The following PPP1R37 variants were observed in gnomAD, a reference collection of about 807,000 sequenced individuals.
PPP1R37 encodes the protein leucine rich repeat containing 68.
PPP1R37 carries 21 observed loss-of-function variants against 61.0 expected under a neutral mutation model. The ratio of observed to expected loss-of-function variants is 0.34; its 90% CI spans 0.24 to 0.50. PPP1R37 has a LOEUF of 0.50. PPP1R37 is among the 20% of genes least tolerant of loss of function. The pLI, the probability that PPP1R37 is intolerant of heterozygous loss-of-function variation, is 0.98. For missense variants in PPP1R37, 910 were observed against 952.7 expected (o/e 0.96, Z 0.59); for synonymous variants, 443 against 433.5 (o/e 1.02, Z -0.27).
rs532769617 is a variant in PPP1R37 at position 45,140,328 on chromosome 19, C to A, written c.346+47C>A. ...GAGAGCCCTTGGGTCATGGGCAGGT[C>A]GGGGGCTCCCTAGAGCTGGGTCTGA... On this transcript the variant is annotated intron_variant, in intron 3 of 12. Transcript: ENST00000221462. 137 of 1,411,060 alleles carry A rather than the reference C, an allele frequency of 9.7e-5. No homozygotes were observed. In the African/African-American group the frequency reaches 1.7e-3, roughly 17 times the overall value. 87.4% of individuals were successfully genotyped at this position (1,411,060 alleles called of 1,614,324 possible).
chr19:45,100,830 G>T (rs1169800846), intron 1 of PPP1R37, among the ~76,000 whole-genome samples: 1 of 152,228 alleles, frequency 6.6e-6, no homozygotes, highest in Non-Finnish European at 1.5e-5. Context: ...TTCGTGGACA[G>T]CTTGAGTCCC....
At chr19:45,141,267 C>G in intron 4 of PPP1R37, 55 bp from the exon 5 acceptor site, 1 of 1,490,610 alleles carries the variant, frequency 6.7e-7, no homozygotes, top group Non-Finnish European at 8.9e-7. Context: ...GGGCCCACGC[C>G]TCTCCTCCAG....
intron 1 of PPP1R37, among the ~76,000 whole-genome samples, chr19:45,106,430 G>A (rs1568440783): frequency 6.6e-6 from 1 of 151,950 alleles, no homozygotes; most frequent in Non-Finnish European, 1.5e-5. Flanking sequence ...TTTTAGTAGA[G>A]ACAGGGTTTC....
chr19:45,116,666 G>T (rs1599697470), intron 1 of PPP1R37, among the ~76,000 whole-genome samples: 2 of 152,222 alleles, frequency 1.3e-5, no homozygotes, highest in Admixed American at 6.5e-5. Flanking sequence ...AAGGGTGGAC[G>T]TTGTCTTCAT....
intron 1 of PPP1R37, among the ~76,000 whole-genome samples, chr19:45,099,795 A>G (rs1319122893): frequency 2.0e-5 from 3 of 152,242 alleles, no homozygotes; most frequent in Non-Finnish European, 4.4e-5. Context: ...CAAACACCCC[A>G]TGGTGGGATT....
rs376391895 is a variant in PPP1R37, at chr19:45,127,993, AG to A, written c.203-10520del. ...CCATCTCAAAAAAAAAAAAAAAAAA[AG>A]ATAAATGTTTGAGGTGATATGCTAA... On this transcript the variant is annotated intron_variant, in intron 1 of 12. Transcript: ENST00000221462. Among the ~76,000 whole-genome samples, 50 of 150,350 alleles carry A rather than the reference AG, an allele frequency of 3.3e-4. 1 individual carries two copies. Among genetic ancestry groups the A allele is most frequent in the Non-Finnish European group, 5.0e-4 (34 of 67,470 alleles).
In PPP1R37 at chr19:45,129,128, A is replaced by G. The variant is rs796121686; in HGVS notation, c.203-9386A>G. 24 of 431,230 alleles carry G rather than the reference A, an allele frequency of 5.6e-5. 1 individual carries two copies. Among genetic ancestry groups the G allele is most frequent in the African/African-American group, 5.0e-4 (24 of 47,600 alleles). 26.7% of individuals were successfully genotyped at this position (431,230 alleles called of 1,614,324 possible). On this transcript the variant is annotated intron_variant, in intron 1 of 12. Coordinates refer to ENST00000221462, the MANE Select transcript of PPP1R37 (RefSeq NM_019121.2). ...CTGTAGGCTGGACTCTTCCTACACAATGTATTTGATGTTTTATTTTGTTTT... is the reference window on the plus strand; with the variant it reads ...CTGTAGGCTGGACTCTTCCTACACAGTGTATTTGATGTTTTATTTTGTTTT...
intron 1 of PPP1R37, chr19:45,128,675 G>T: frequency 1.7e-6 from 2 of 1,195,662 alleles, no homozygotes; most frequent in Admixed American, 3.7e-5. Context: ...TCAAAGGCTG[G>T]CCCTGTAAGG....
In PPP1R37 at chr19:45,145,834, C is replaced by T; in HGVS notation, c.1778C>T (p.Pro593Leu). 3.0e-6 allele frequency: 4 copies of T among 1,332,716 alleles called. No individual in the cohort carries two copies. The South Asian group carries it at 4.1e-5, about 14-fold the overall frequency. The allele number at this position is 1,332,716 out of a possible 1,614,324, so 82.6% of individuals were successfully genotyped here. Residue 593 changes from proline to leucine, a missense_variant, in exon 11 of 13, where the codon CCA (proline) becomes CTA (leucine). By Grantham distance (98) the Pro-to-Leu change is moderately conservative. Around this residue, in one of 3 missense-constraint regions of PPP1R37, gnomAD observed 549 missense variants for 505.1 expected, o/e 1.09. Coordinates refer to ENST00000221462, the MANE Select transcript of PPP1R37 (RefSeq NM_019121.2). ...PPASPTPPSPPPPPSPPASPS... is the reference protein window; with the variant it reads ...PPASPTPPSPLPPPSPPASPS... ...GCGTCCCCCACCCCTCCCTCTCCCC[C>T]ACCCCCTCCCTCCCCACCCGCCTCA...
At chr19:45,107,110 C>T (rs892050495) in intron 1 of PPP1R37, among the ~76,000 whole-genome samples, 17 of 151,878 alleles carry the variant, frequency 1.1e-4, no homozygotes, top group African/African-American at 4.1e-4. Context: ...GCCACCGTGC[C>T]CAGCTGATGT....
chr19:45,144,750 A>G, intron 8 of PPP1R37, 104 bp from the exon 9 acceptor site: 1 of 989,348 alleles, frequency 1.0e-6, no homozygotes, highest in Non-Finnish European at 1.4e-6. Flanking sequence ...AAAGAAAAGG[A>G]GCGCCCGGGC....
chr19:45,097,998 T>C (rs1169534736), intron 1 of PPP1R37, among the ~76,000 whole-genome samples: 1 of 152,060 alleles, frequency 6.6e-6, no homozygotes, highest in Non-Finnish European at 1.5e-5. Flanking sequence ...TTGCAGAGCA[T>C]TGTGTTTCCT....
At position 45,141,518 on chromosome 19, in the gene PPP1R37, G is replaced by A. The variant is rs45485094; in HGVS notation, c.567+77G>A. The A allele has an allele frequency of 9.5e-3, 14,051 of 1,472,092 alleles. 83 individuals carry two copies. The highest frequency in any genetic ancestry group is 0.022 in the Middle Eastern group (126 of 5,728). The allele number at this position is 1,472,092 out of a possible 1,614,324, so 91.2% of individuals were successfully genotyped here. On this transcript the variant is annotated intron_variant, in intron 5 of 12. Transcript: ENST00000221462. The stretch of plus-strand genomic sequence containing the variant: ...GAGGCACTTTCTCAGGGCATGGCCC[G>A]TAGGCTCTGACTGCATGAGCTCTTG...
In PPP1R37 at chr19:45,094,740, A is replaced by G. The variant is rs188384117; in HGVS notation, c.202+1213A>G. Among the ~76,000 whole-genome samples the G allele has an allele frequency of 3.3e-5, 5 of 151,966 alleles. No homozygotes were observed. The South Asian group carries it at 6.2e-4, about 19-fold the overall frequency. On this transcript the variant is annotated intron_variant, in intron 1 of 12. Transcript: ENST00000221462. ...CAAAACTCCGGCTCAAAGAAAAAAA[A>G]AAAAAGAATTGGGGGATGTTATCAA...
intron 1 of PPP1R37, among the ~76,000 whole-genome samples, chr19:45,111,521 C>A (rs952199815): frequency 6.6e-6 from 1 of 152,220 alleles, no homozygotes; most frequent in Non-Finnish European, 1.5e-5. Flanking sequence ...GGTGATCCGC[C>A]TGCCTCGATC....
rs572067684 is a variant in PPP1R37, at chr19:45,131,869, G to T, written c.203-6645G>T. The stretch of plus-strand genomic sequence containing the variant: ...CTGACTAAGCCACACTGTGACACTG[G>T]TGCCAGCTACTTCATGGGTGCTCTC... On this transcript the variant is annotated intron_variant, in intron 1 of 12. Coordinates refer to ENST00000221462, the MANE Select transcript of PPP1R37 (RefSeq NM_019121.2). 7.4e-4 allele frequency among the ~76,000 whole-genome samples: 105 copies of T among 142,398 alleles called. No individual in the cohort carries two copies. The South Asian group carries it at 0.014, about 19-fold the overall frequency. The allele number at this position is 142,398 out of a possible 152,430, so 93.4% of individuals were successfully genotyped here.
intron 1 of PPP1R37, among the ~76,000 whole-genome samples, chr19:45,099,510 C>A (rs575258876): frequency 1.8e-3 from 269 of 152,328 alleles, no homozygotes; most frequent in Non-Finnish European, 3.4e-3. Context: ...CAGCCCCCTG[C>A]CCTGTTGGAG....
Position 45,145,997 on chromosome 19 carries a change from T to C in PPP1R37, c.1941T>C (p.Pro647=). The C allele has an allele frequency of 6.5e-7, 1 of 1,533,696 alleles. No individual in the cohort carries two copies. Among genetic ancestry groups the C allele is most frequent in the Admixed American group, 2.0e-5 (1 of 50,826 alleles). The part of the protein sequence containing the change: ...LKPEFALALP[P]EPPPGPEVKG... ...CCGAGTTCGCCCTGGCACTGCCCCCTGAGCCGCCCCCGGGGCCTGAGGTCA... is the reference window on the plus strand; with the variant it reads ...CCGAGTTCGCCCTGGCACTGCCCCCCGAGCCGCCCCCGGGGCCTGAGGTCA... Residue 647 remains proline (P), a synonymous_variant, in exon 11 of 13, where the codon CCT becomes CCC. Coordinates refer to ENST00000221462, the MANE Select transcript of PPP1R37 (RefSeq NM_019121.2).
rs1968671677 is a variant in PPP1R37 at position 45,145,165 on chromosome 19, A to G, written c.1201A>G (p.Ile401Val). Residue 401 changes from isoleucine to valine, a missense_variant, in exon 10 of 13, where the codon ATC becomes GTC. By Grantham distance (29) the Ile-to-Val change is conservative. Around this residue, in one of 3 missense-constraint regions of PPP1R37, gnomAD observed 549 missense variants for 505.1 expected, o/e 1.09. Coordinates refer to ENST00000221462, the MANE Select transcript of PPP1R37 (RefSeq NM_019121.2). Reference sequence around the variant, plus strand: ...GAGACTGGACCTTCGGGAGAACGAGATCAAGACAGGCGGGCTCATGGCACT... The same window carrying G: ...GAGACTGGACCTTCGGGAGAACGAGGTCAAGACAGGCGGGCTCATGGCACT... Reference protein sequence around the residue: ...LLRLDLRENEIKTGGLMALSL... With the variant: ...LLRLDLRENEVKTGGLMALSL... 12 of 1,535,030 alleles carry G rather than the reference A, an allele frequency of 7.8e-6. No individual in the cohort carries two copies. Among genetic ancestry groups the G allele is most frequent in the Non-Finnish European group, 9.6e-6 (11 of 1,146,500 alleles).
Sources: allele counts gnomAD v4.1 joint callset (sites outside exome capture counted in the v4.1 genomes callset), GRCh38; gene constraint gnomAD v4.1.1; regional missense constraint gnomAD v4.1.1; transcripts MANE v1.5; gene names NCBI Gene and HGNC (gene_info 2026-07-23, HGNC 2026-07-21).